Variants in NCOA1 observed in about 807,000 individuals in gnomAD.
NCOA1 encodes the protein Hin-2 protein.
In NCOA1, 35 loss-of-function variants were observed where a neutral mutation model predicts 150.9. The observed-to-expected ratio is 0.23, with a 90% CI of 0.18 to 0.31. NCOA1 has a LOEUF of 0.31. Ranked by LOEUF, NCOA1 falls within the 10% of genes least tolerant of loss-of-function variation. The pLI is 1.00. For synonymous variants in NCOA1, 590 were observed against 630.0 expected (o/e 0.94, Z 0.95); for missense variants, 1,491 against 1,749.3 (o/e 0.85, Z 2.63).
At chr2:24,761,571 C>T (rs1023135060) in intron 21 of NCOA1, among the ~76,000 whole-genome samples, 5 of 152,118 alleles carry the variant, frequency 3.3e-5, no homozygotes, top group Non-Finnish European at 7.3e-5. Flanking sequence ...TCTCACCTAT[C>T]AGTTCTATTA....
intron 1 of NCOA1, among the ~76,000 whole-genome samples, chr2:24,532,460 G>T (rs1664941205): frequency 6.6e-6 from 1 of 152,266 alleles, no homozygotes; most frequent in East Asian, 1.9e-4. Context: ...AGTTTAATTA[G>T]ATCCTGTTTG....
At chr2:24,506,839 T>C (rs1663717253) in intron 1 of NCOA1, among the ~76,000 whole-genome samples, 1 of 152,234 alleles carries the variant, frequency 6.6e-6, no homozygotes, top group African/African-American at 2.4e-5. Flanking sequence ...CAGTTTTTAC[T>C]TGGACCAGGC....
intron 17 of NCOA1, among the ~76,000 whole-genome samples, chr2:24,737,442 C>T (rs1663371241): frequency 6.6e-6 from 1 of 152,174 alleles, no homozygotes; most frequent in Non-Finnish European, 1.5e-5. Context: ...GAGCCTATTA[C>T]TACTTGTCAG....
chr2:24,589,333 G>GC (rs1202392436), intron 3 of NCOA1, among the ~76,000 whole-genome samples: 73 of 152,232 alleles, frequency 4.8e-4, no homozygotes, highest in Admixed American at 3.3e-4. Context: ...GTCTGGCTTG[G>GC]CCCCCTGAGC....
rs778001658 is a variant in NCOA1 at position 24,693,306 on chromosome 2, T to A, written c.767T>A (p.Ile256Asn). 6.2e-7 allele frequency: 1 copy of A among 1,614,210 alleles called. No homozygotes were observed. Among genetic ancestry groups the A allele is most frequent in the Admixed American group, 1.7e-5 (1 of 60,020 alleles). ...IARRLPRPPA[I>N]TGVESFMTKQ... The stretch of plus-strand genomic sequence containing the variant: ...CGGCGATTACCTCGGCCTCCAGCTA[T>A]TACGGGTGTAGAATCCTTTATGACC... Residue 256 changes from isoleucine to asparagine, a missense_variant, in exon 10 of 23, where the codon ATT becomes AAT. Ile to Asn is a moderately radical substitution (Grantham distance 149, BLOSUM62 -3). Around this residue, in one of 8 missense-constraint regions of NCOA1, gnomAD observed 99 missense variants for 122.8 expected, o/e 0.81. Coordinates refer to ENST00000348332, the MANE Select transcript of NCOA1 (RefSeq NM_003743.5).
chr2:24,519,855 A>G (rs921206846), intron 1 of NCOA1, among the ~76,000 whole-genome samples: 4 of 152,176 alleles, frequency 2.6e-5, no homozygotes, highest in Non-Finnish European at 5.9e-5. Context: ...TGAGAAAAAA[A>G]TATTTGTAAT....
chr2:24,753,065 TGA>T (rs1425593003), intron 20 of NCOA1, among the ~76,000 whole-genome samples: 1 of 152,196 alleles, frequency 6.6e-6, no homozygotes, highest in Non-Finnish European at 1.5e-5. Flanking sequence ...CATTGAAAGG[TGA>T]GAGAAAATCT....
intron 3 of NCOA1, among the ~76,000 whole-genome samples, chr2:24,591,831 A>C (rs1667671275): frequency 6.6e-6 from 1 of 152,120 alleles, no homozygotes; most frequent in Non-Finnish European, 1.5e-5. Flanking sequence ...AGTATGATGA[A>C]TCCATCACCA....
intron 20 of NCOA1, 92 bp from the exon 21 acceptor site, chr2:24,757,881 A>ATG (rs1664577229): frequency 5.9e-6 from 7 of 1,185,002 alleles, no homozygotes; most frequent in Non-Finnish European, 7.2e-6. Flanking sequence ...CAATTTAAGG[A>ATG]TGTAACATAT....
chr2:24,738,265 T>C (rs566776230), intron 17 of NCOA1, among the ~76,000 whole-genome samples: 2 of 151,420 alleles, frequency 1.3e-5, no homozygotes, highest in Admixed American at 6.6e-5. Context: ...ATGTATAATA[T>C]ATTGAAATAT....
At chr2:24,761,942 G>C (rs56360470) in intron 21 of NCOA1, among the ~76,000 whole-genome samples, 7,668 of 152,292 alleles carry the variant, frequency 0.05, 281 homozygotes, top group East Asian at 0.19. Context: ...ATTGTTCCAT[G>C]TCATCTATTC....
At chr2:24,667,096 CT>C (rs1231178727) in intron 6 of NCOA1, among the ~76,000 whole-genome samples, 1 of 152,096 alleles carries the variant, frequency 6.6e-6, no homozygotes, top group Admixed American at 6.5e-5. Context: ...CCCCAAAGAA[CT>C]TCAGATTATT....
intron 11 of NCOA1, among the ~76,000 whole-genome samples, chr2:24,702,027 A>G (rs887483891): frequency 1.3e-5 from 2 of 152,204 alleles, no homozygotes; most frequent in African/African-American, 2.4e-5. Flanking sequence ...GAAAAAAAAT[A>G]TATCATGAGT....
In NCOA1 at chr2:24,546,206, T is replaced by TA. The variant is rs201993579; in HGVS notation, c.-395-18075dup. 4.7e-3 allele frequency among the ~76,000 whole-genome samples: 652 copies of TA among 137,284 alleles called. 1 individual carries two copies. The highest frequency in any genetic ancestry group is 0.01 in the African/African-American group (380 of 37,422). 90.1% of individuals were successfully genotyped at this position (137,284 alleles called of 152,430 possible). A position where few individuals can be genotyped will look rare whatever the true frequency, so the allele number is the denominator to read the frequency against. On this transcript the variant is annotated intron_variant, in intron 1 of 22. Coordinates refer to ENST00000348332, the MANE Select transcript of NCOA1 (RefSeq NM_003743.5). ...GGCTACGGAGCAAGATCCCATCTCT[T>TA]AAAAAAAAAAAAAAGCTCACTTAAT...
chr2:24,530,133 G>C (rs1352357862), intron 1 of NCOA1, among the ~76,000 whole-genome samples: 2 of 152,172 alleles, frequency 1.3e-5, no homozygotes, highest in Non-Finnish European at 2.9e-5. Context: ...CATCACATTT[G>C]TAAGTCTTTT....
chr2:24,692,607 C>G (rs2148561962), intron 9 of NCOA1, among the ~76,000 whole-genome samples: 1 of 152,292 alleles, frequency 6.6e-6, no homozygotes, highest in Non-Finnish European at 1.5e-5. Context: ...GACTACAAAA[C>G]TGTATTTTAA....
At chr2:24,751,582 CG>C (rs202035427) in intron 19 of NCOA1, among the ~76,000 whole-genome samples, 1 of 143,880 alleles carries the variant, frequency 7.0e-6, no homozygotes, top group Non-Finnish European at 1.5e-5. Flanking sequence ...GACTCCATCT[CG>C]GGGGAAAAAA....
intron 2 of NCOA1, among the ~76,000 whole-genome samples, chr2:24,570,936 T>C (rs1431134324): frequency 6.6e-6 from 1 of 152,248 alleles, no homozygotes; most frequent in African/African-American, 2.4e-5. Context: ...TGAGTCTAAA[T>C]TTTAATAAAC....
intron 2 of NCOA1, among the ~76,000 whole-genome samples, chr2:24,578,361 AAAGT>A (rs1478932068): frequency 1.3e-5 from 2 of 152,172 alleles, no homozygotes; most frequent in African/African-American, 4.8e-5. Context: ...GTAATCTTCT[AAAGT>A]AAGAAGACTG....
Sources: gnomAD v4.1 joint callset for allele counts (sites outside exome capture counted in the v4.1 genomes callset) on GRCh38, gnomAD v4.1.1 for gene constraint, gnomAD v4.1.1 regional missense constraint, MANE v1.5 for transcripts, NCBI Gene and HGNC (gene_info 2026-07-23, HGNC 2026-07-21) for gene names.